The following PPP6C variants were observed in gnomAD, a reference collection of about 807,000 sequenced individuals.
PPP6C encodes the protein protein phosphatase 6 catalytic subunit, also known as serine/threonine-protein phosphatase 6 catalytic subunit.
In PPP6C, 11 loss-of-function variants were observed where a neutral mutation model predicts 39.8. The observed-to-expected ratio is 0.28, with a 90% CI of 0.17 to 0.46. The LOEUF (loss-of-function observed/expected upper bound fraction) is 0.46, where lower values mean the gene tolerates loss of function less well. Among genes scored for constraint, PPP6C ranks in the 20% least tolerant of loss-of-function variants. The probability of loss-of-function intolerance (pLI) is 1.00; values close to 1 mark genes in which losing one functional copy is unlikely to be tolerated. For missense variants in PPP6C, 211 were observed against 373.9 expected (o/e 0.56, Z 3.59); for synonymous variants, 129 against 130.3 (o/e 0.99, Z 0.07).
intron 6 of PPP6C, chr9:125,150,971 A>G: frequency 7.6e-7 from 1 of 1,307,390 alleles, no homozygotes; most frequent in African/African-American, 1.4e-5. Flanking sequence ...ATCTCAGCCA[A>G]GCTTGTTGCA....
intron 3 of PPP6C, among the ~76,000 whole-genome samples, chr9:125,159,996 G>A (rs1392351854): frequency 6.6e-6 from 1 of 151,548 alleles, no homozygotes; most frequent in Non-Finnish European, 1.5e-5. Context: ...CTCCAGCCTG[G>A]CAACAGAGAG....
chr9:125,167,841 G>A (rs932742677), intron 2 of PPP6C, among the ~76,000 whole-genome samples: 4 of 135,084 alleles, frequency 3.0e-5, no homozygotes, highest in South Asian at 5.4e-4. Context: ...GGGGGGGGGG[G>A]GGGGGGTATC....
In PPP6C at chr9:125,149,469, G is replaced by C; in HGVS notation, c.*204C>G. On this transcript the variant is annotated 3_prime_UTR_variant, in exon 7 of 7. Coordinates refer to ENST00000373547, the MANE Select transcript of PPP6C (RefSeq NM_002721.5). ...TCAAATGAGTCCAGGGTGGGGATGG[G>C]ATGGGGGAAAATTGATAGAAAAACT... is the stretch of plus-strand genomic sequence containing the variant. The C allele has an allele frequency of 1.7e-6, 1 of 573,310 alleles. No homozygotes were observed. The highest frequency in any genetic ancestry group is 3.0e-5 in the East Asian group (1 of 32,948). 35.5% of individuals were successfully genotyped at this position (573,310 alleles called of 1,614,324 possible).
At chr9:125,189,131 C>T (rs951080068) in intron 1 of PPP6C, among the ~76,000 whole-genome samples, 3 of 152,176 alleles carry the variant, frequency 2.0e-5, no homozygotes, top group Admixed American at 6.5e-5. Flanking sequence ...CGTTCGCTCC[C>T]GCCAGTACCA....
At chr9:125,185,085 A>G (rs912444573) in intron 1 of PPP6C, among the ~76,000 whole-genome samples, 6 of 151,976 alleles carry the variant, frequency 3.9e-5, no homozygotes, top group South Asian at 2.1e-4. Flanking sequence ...ATACTTAAAT[A>G]TAAGTATTCA....
chr9:125,159,914 C>T (rs1039648519), intron 3 of PPP6C, among the ~76,000 whole-genome samples: 3 of 152,026 alleles, frequency 2.0e-5, no homozygotes, highest in Non-Finnish European at 4.4e-5. Context: ...ACCAGCTACT[C>T]GGGAGGCTGA....
intron 4 of PPP6C, 113 bp from the exon 5 acceptor site, chr9:125,154,098 G>T: frequency 1.3e-6 from 1 of 790,828 alleles, no homozygotes; most frequent in Non-Finnish European, 2.0e-6. Context: ...AACTAGGATA[G>T]CAAGATATGA....
At chr9:125,176,581 C>G (rs1454655683) in intron 1 of PPP6C, among the ~76,000 whole-genome samples, 1 of 152,096 alleles carries the variant, frequency 6.6e-6, no homozygotes, top group Non-Finnish European at 1.5e-5. Context: ...CGCTTGAGCC[C>G]GGGAGGTCAA....
intron 1 of PPP6C, among the ~76,000 whole-genome samples, chr9:125,174,041 GA>G (rs1427369856): frequency 3.9e-5 from 6 of 152,168 alleles, no homozygotes; most frequent in African/African-American, 1.4e-4. Context: ...TCTGGAAAAG[GA>G]AGTATACATC....
In PPP6C at chr9:125,189,745, G is replaced by C. The variant is rs778019369; in HGVS notation, c.-27C>G. The C allele has an allele frequency of 4.8e-6, 7 of 1,450,760 alleles. No individual in the cohort carries two copies. Among genetic ancestry groups the C allele is most frequent in the Non-Finnish European group, 6.4e-6 (7 of 1,087,870 alleles). 89.9% of individuals were successfully genotyped at this position (1,450,760 alleles called of 1,614,324 possible). A position where few individuals can be genotyped will look rare whatever the true frequency, so the allele number is the denominator to read the frequency against. On this transcript the variant is annotated 5_prime_UTR_variant, in exon 1 of 7. Transcript: ENST00000373547. Reference sequence around the variant, plus strand: ...TTAAGAATAACAAGCCGCGGCAACAGCGGCGGCGGCGGCTGTAGCAGCGGC... The same window carrying C: ...TTAAGAATAACAAGCCGCGGCAACACCGGCGGCGGCGGCTGTAGCAGCGGC...
intron 1 of PPP6C, among the ~76,000 whole-genome samples, chr9:125,175,912 T>C (rs1829287857): frequency 6.6e-6 from 1 of 152,152 alleles, no homozygotes; most frequent in African/African-American, 2.4e-5. Context: ...TCTAATAGAA[T>C]GAGACAGACA....
chr9:125,164,625 T>A (rs1588282286), intron 2 of PPP6C, among the ~76,000 whole-genome samples: 1 of 152,124 alleles, frequency 6.6e-6, no homozygotes, highest in Non-Finnish European at 1.5e-5. Context: ...ATTTTTGAGA[T>A]GGAGGCTCAC....
chr9:125,188,305 A>G (rs1382749368), intron 1 of PPP6C, among the ~76,000 whole-genome samples: 1 of 152,146 alleles, frequency 6.6e-6, no homozygotes, highest in East Asian at 1.9e-4. Context: ...GAATGGCGTG[A>G]ACCCGGGAGG....
intron 1 of PPP6C, among the ~76,000 whole-genome samples, chr9:125,172,615 C>T (rs925086268): frequency 1.3e-5 from 2 of 152,010 alleles, no homozygotes; most frequent in South Asian, 2.1e-4. Flanking sequence ...TATAAAAGGG[C>T]AACATGAGGA....
At position 125,189,708 on chromosome 9, in the gene PPP6C, A is replaced by T. The variant is rs1829623687; in HGVS notation, c.11T>A (p.Leu4Gln). ...TATTTCCACATACTTGTCCAGGTCTAGCGGCGCCATTTTAAGAATAACAAG... is the reference window on the plus strand; with the variant it reads ...TATTTCCACATACTTGTCCAGGTCTTGCGGCGCCATTTTAAGAATAACAAG... MAPLDLDKYVEIAR... is the reference protein window; with the variant it reads MAPQDLDKYVEIAR... Residue 4 changes from leucine (L) to glutamine (Q), a missense_variant, in exon 1 of 7, where the codon CTA (leucine) becomes CAA (glutamine). Coordinates refer to ENST00000373547, the MANE Select transcript of PPP6C (RefSeq NM_002721.5). 2.5e-6 allele frequency: 4 copies of T among 1,593,382 alleles called. No homozygotes were observed. Among genetic ancestry groups the T allele is most frequent in the Admixed American group, 1.8e-5 (1 of 55,214 alleles).
intron 2 of PPP6C, among the ~76,000 whole-genome samples, chr9:125,169,038 C>T (rs1307995242): frequency 6.6e-6 from 1 of 152,204 alleles, no homozygotes; most frequent in Non-Finnish European, 1.5e-5. Flanking sequence ...GGATTACAGG[C>T]GTGAGCCACT....
At chr9:125,171,219 ACATT>A in intron 1 of PPP6C, 39 bp from the exon 2 acceptor site, 1 of 1,423,146 alleles carries the variant, frequency 7.0e-7, no homozygotes, top group Non-Finnish European at 9.6e-7. Flanking sequence ...ATTTACTACA[ACATT>A]AAAACTAAAG....
intron 3 of PPP6C, among the ~76,000 whole-genome samples, chr9:125,159,975 G>A (rs1828820798): frequency 6.6e-6 from 1 of 151,468 alleles, no homozygotes. Context: ...TAAGCCAATC[G>A]CACCACTGCA....
chr9:125,174,257 T>C (rs1829246168), intron 1 of PPP6C, among the ~76,000 whole-genome samples: 1 of 152,124 alleles, frequency 6.6e-6, no homozygotes, highest in African/African-American at 2.4e-5. Flanking sequence ...AGAAACACTT[T>C]AACAGTTACA....
Sources: gnomAD v4.1 joint callset for allele counts (sites outside exome capture counted in the v4.1 genomes callset) on GRCh38, gnomAD v4.1.1 for gene constraint, MANE v1.5 for transcripts, NCBI Gene and HGNC (gene_info 2026-07-23, HGNC 2026-07-21) for gene names.